OR2L13: variants seen among roughly 807,000 people sequenced by gnomAD.
OR2L13 encodes the protein olfactory receptor family 2 subfamily L member 13.
In OR2L13, 14 loss-of-function variants were observed where a neutral mutation model predicts 15.3. The observed-to-expected ratio is 0.91, with a 90% confidence interval of 0.60 to 1.43. OR2L13 has a LOEUF of 1.43. Among genes scored for constraint, OR2L13 ranks in the 40% most tolerant of loss-of-function variants. OR2L13 has a pLI of 0.00. For missense variants in OR2L13, 367 were observed against 387.9 expected (o/e 0.95, Z 0.45); for synonymous variants, 152 against 142.9 (o/e 1.06, Z -0.45).
At chr1:248,061,048 A>G in the OR2L13 span, 2 of 1,613,928 alleles carry the variant, frequency 1.2e-6, no homozygotes, top group Non-Finnish European at 8.5e-7. Context: ...TGATCGTTAC[A>G]TTGCTATTTG....
the OR2L13 span, among the ~76,000 whole-genome samples, chr1:248,042,461 T>G: frequency 1.3e-5 from 2 of 151,808 alleles, no homozygotes; most frequent in Admixed American, 6.6e-5. Context: ...CATATGTAAA[T>G]AACCTGCACA....
chr1:248,044,121 G>A, the OR2L13 span, among the ~76,000 whole-genome samples: 36 of 152,206 alleles, frequency 2.4e-4, no homozygotes, highest in Non-Finnish European at 4.3e-4. Flanking sequence ...AGCCCAGCAA[G>A]TCCCCGGCTC....
chr1:248,097,231 A>C (rs572280754), upstream of OR2L13: 1 of 152,320 alleles, frequency 6.6e-6, no homozygotes, highest in South Asian at 2.1e-4. Context: ...CCTTGGCCCA[A>C]ATAAACTTTC....
chr1:248,073,495 A>T, the OR2L13 span, among the ~76,000 whole-genome samples: 1 of 151,748 alleles, frequency 6.6e-6, no homozygotes, highest in African/African-American at 2.4e-5. Flanking sequence ...GGGAGCGGGG[A>T]GGGATAGCAT....
At chr1:248,019,420 A>G in the OR2L13 span, among the ~76,000 whole-genome samples, 2 of 152,226 alleles carry the variant, frequency 1.3e-5, no homozygotes, top group African/African-American at 4.8e-5. Context: ...GAAACCCATC[A>G]TAAATCGAGA....
the OR2L13 span, chr1:248,060,700 ACAT>A: frequency 1.2e-6 from 2 of 1,613,196 alleles, no homozygotes; most frequent in Non-Finnish European, 1.7e-6. Context: ...TTACAATCAA[ACAT>A]CAACTGATTT....
At chr1:248,035,994 T>A in the OR2L13 span, among the ~76,000 whole-genome samples, 1 of 141,988 alleles carries the variant, frequency 7.0e-6, no homozygotes, top group Non-Finnish European at 1.5e-5. Context: ...CAAAAACTTA[T>A]AATTAAAATT....
the OR2L13 span, chr1:248,003,935 G>C: frequency 1.2e-6 from 2 of 1,613,318 alleles, no homozygotes; most frequent in Non-Finnish European, 1.7e-6. Context: ...ATCTCCAACA[G>C]AGGACAAGGT....
At chr1:248,003,547 G>A in the OR2L13 span, 2 of 1,612,688 alleles carry the variant, frequency 1.2e-6, no homozygotes, top group Admixed American at 1.7e-5. Context: ...GCAAAAGAGT[G>A]TGTGTGCTGA....
At chr1:247,993,568 A>C in the OR2L13 span, among the ~76,000 whole-genome samples, 4,292 of 152,054 alleles carry the variant, frequency 0.028, 167 homozygotes, top group African/African-American at 0.098. Context: ...CATGCCCCTC[A>C]TTTATTTATT....
At chr1:248,081,534 T>G in the OR2L13 span, among the ~76,000 whole-genome samples, 2 of 152,206 alleles carry the variant, frequency 1.3e-5, no homozygotes, top group African/African-American at 2.4e-5. Context: ...TGATGGTGAA[T>G]GAACCTGGTA....
the OR2L13 span, among the ~76,000 whole-genome samples, chr1:248,077,279 T>G: frequency 1.3e-5 from 2 of 152,232 alleles, no homozygotes; most frequent in Non-Finnish European, 2.9e-5. Flanking sequence ...TTGATGTTCA[T>G]CAGGGATATT....
the OR2L13 span, among the ~76,000 whole-genome samples, chr1:248,059,769 G>T: frequency 6.6e-6 from 1 of 152,182 alleles, no homozygotes; most frequent in South Asian, 2.1e-4. Context: ...CATGGGTTGG[G>T]TGGGGAAGCT....
At chr1:248,010,763 G>GTTTGTT in the OR2L13 span, among the ~76,000 whole-genome samples, 1 of 44,462 alleles carries the variant, frequency 2.2e-5, no homozygotes, top group African/African-American at 9.9e-5. Flanking sequence ...CTTTGTTGTT[G>GTTTGTT]TTTTTTTTTT....
chr1:248,079,017 A>G, the OR2L13 span, among the ~76,000 whole-genome samples: 1 of 152,148 alleles, frequency 6.6e-6, no homozygotes, highest in African/African-American at 2.4e-5. Context: ...AACAAGAGGA[A>G]GTTTCTCTGT....
chr1:247,986,383 G>A, the OR2L13 span, among the ~76,000 whole-genome samples: 3 of 152,108 alleles, frequency 2.0e-5, no homozygotes, highest in Non-Finnish European at 4.4e-5. Context: ...TTTCCCCATT[G>A]CTTGTTTTTG....
At chr1:248,042,926 A>T in the OR2L13 span, among the ~76,000 whole-genome samples, 1 of 152,226 alleles carries the variant, frequency 6.6e-6, no homozygotes, top group Non-Finnish European at 1.5e-5. Flanking sequence ...ATTAAACAGA[A>T]AATATAATAT....
chr1:248,001,228 T>G, the OR2L13 span, among the ~76,000 whole-genome samples: 1 of 152,102 alleles, frequency 6.6e-6, no homozygotes, highest in Non-Finnish European at 1.5e-5. Context: ...GTTATTTTGA[T>G]GAACTCCAAC....
the OR2L13 span, among the ~76,000 whole-genome samples, chr1:248,055,495 C>G: frequency 6.6e-6 from 1 of 152,078 alleles, no homozygotes; most frequent in African/African-American, 2.4e-5. Context: ...GTGACTCATG[C>G]CTGTAATCCC....
Sources: allele counts gnomAD v4.1 joint callset (sites outside exome capture counted in the v4.1 genomes callset), GRCh38; gene constraint gnomAD v4.1.1; transcripts MANE v1.5; gene names NCBI Gene and HGNC (gene_info 2026-07-23, HGNC 2026-07-21).